The following CNGA1 variants were observed in gnomAD, a reference collection of about 807,000 sequenced individuals.
The protein encoded by CNGA1 is cyclic nucleotide gated channel subunit alpha 1.
In CNGA1, 53 loss-of-function variants were observed where a neutral mutation model predicts 69.7. The ratio of observed to expected loss-of-function variants is 0.76; its 90% CI spans 0.61 to 0.96. CNGA1 has a LOEUF of 0.96. Among genes scored for constraint, CNGA1 ranks in the 40% least tolerant of loss-of-function variants. CNGA1 has a pLI of 0.00. For synonymous variants in CNGA1, 249 were observed against 283.5 expected (o/e 0.88, Z 1.22); for missense variants, 739 against 811.2 (o/e 0.91, Z 1.08).
intron 2 of CNGA1, among the ~76,000 whole-genome samples, chr4:48,002,683 CA>C (rs34405949): frequency 0.17 from 19,989 of 117,572 alleles, 2,366 homozygotes; most frequent in African/African-American, 0.38. Flanking sequence ...GTCAGACATG[CA>C]AAAAAAAAAA....
intron 1 of CNGA1, among the ~76,000 whole-genome samples, chr4:48,015,538 G>C (rs1715341090): frequency 6.6e-6 from 1 of 152,274 alleles, no homozygotes; most frequent in South Asian, 2.1e-4. Flanking sequence ...TAAAATGCCA[G>C]AGCACAAAGG....
intron 3 of CNGA1, among the ~76,000 whole-genome samples, chr4:47,957,295 T>G (rs1740145824): frequency 6.6e-6 from 1 of 152,084 alleles, no homozygotes; most frequent in Admixed American, 6.6e-5. Flanking sequence ...TCCTTAAATA[T>G]ATTCATGGAT....
At chr4:48,000,276 T>A (rs1285817788) in intron 2 of CNGA1, among the ~76,000 whole-genome samples, 1 of 152,004 alleles carries the variant, frequency 6.6e-6, no homozygotes, top group Non-Finnish European at 1.5e-5. Flanking sequence ...ATGAAAAGTA[T>A]AAAATTACAT....
At chr4:47,994,368 C>T (rs772290079) in intron 2 of CNGA1, among the ~76,000 whole-genome samples, 12 of 151,918 alleles carry the variant, frequency 7.9e-5, no homozygotes, top group South Asian at 6.2e-4. Context: ...CAGTGTTAGG[C>T]GCATATATGT....
intron 6 of CNGA1, among the ~76,000 whole-genome samples, chr4:47,948,329 C>T (rs764679043): frequency 2.6e-5 from 4 of 152,128 alleles, no homozygotes; most frequent in Admixed American, 6.5e-5. Context: ...AGAGTTTATA[C>T]TCTAGGAAGA....
intron 4 of CNGA1, 120 bp from the exon 5 acceptor site, chr4:47,951,589 C>A (rs1739743946): frequency 5.5e-6 from 4 of 728,136 alleles, no homozygotes; most frequent in East Asian, 5.1e-5. Flanking sequence ...CAAACTAACA[C>A]ACATAACAAT....
intron 2 of CNGA1, among the ~76,000 whole-genome samples, chr4:47,982,325 G>A (rs754222571): frequency 3.9e-5 from 6 of 152,090 alleles, no homozygotes; most frequent in Non-Finnish European, 5.9e-5. Context: ...GCTGAACAAT[G>A]AACAACCGAG....
intron 3 of CNGA1, among the ~76,000 whole-genome samples, chr4:47,980,472 C>CTTTT (rs5858098): frequency 1.3e-3 from 148 of 112,280 alleles, no homozygotes; most frequent in African/African-American, 1.9e-3. Flanking sequence ...TTCTTTCTTT[C>CTTTT]TTTTTTTTTT....
chr4:47,955,339 C>T (rs925619124), intron 3 of CNGA1, among the ~76,000 whole-genome samples: 6 of 151,914 alleles, frequency 3.9e-5, no homozygotes, highest in South Asian at 4.2e-4. Context: ...CCCACCACCA[C>T]GCCTGGCTAA....
chr4:47,961,080 C>A (rs1181853267), intron 3 of CNGA1, among the ~76,000 whole-genome samples: 1 of 152,084 alleles, frequency 6.6e-6, no homozygotes, highest in Non-Finnish European at 1.5e-5. Flanking sequence ...ATATTTGCAT[C>A]AAAAATATTA....
rs1159606020 is a variant in CNGA1 at position 47,976,170 on chromosome 4, TACAC to T, written c.-15+5219_-15+5222del. On this transcript the variant is annotated intron_variant, in intron 3 of 10. Transcript: ENST00000514170. ...ATATGTATATATATATATATATATA[TACAC>T]ATACATATATATATACATATATATG... is the stretch of plus-strand genomic sequence containing the variant. Among the ~76,000 whole-genome samples, 20 of 48,554 alleles carry T rather than the reference TACAC, an allele frequency of 4.1e-4. 1 individual carries two copies. The highest frequency in any genetic ancestry group is 7.7e-4 in the African/African-American group (8 of 10,338). 31.9% of individuals were successfully genotyped at this position (48,554 alleles called of 152,430 possible). A position where few individuals can be genotyped will look rare whatever the true frequency, so the allele number is the denominator to read the frequency against.
In CNGA1 at chr4:47,985,464, T is replaced by C. The variant is rs149290418; in HGVS notation, c.-122-3964A>G. Among the ~76,000 whole-genome samples, 9 of 152,298 alleles carry C rather than the reference T, an allele frequency of 5.9e-5. No individual in the cohort carries two copies. The East Asian group carries it at 1.7e-3, about 29-fold the overall frequency. ...GCTCCCATAGGTAGCCATGAATGTT[T>C]ATTTTCTTCATGGTTTGCTTGTTAC... On this transcript the variant is annotated intron_variant, in intron 2 of 10. Coordinates refer to ENST00000514170, the MANE Select transcript of CNGA1 (RefSeq NM_001379270.1).
chr4:47,953,784 T>C (rs1457622718), intron 3 of CNGA1, among the ~76,000 whole-genome samples: 1 of 152,066 alleles, frequency 6.6e-6, no homozygotes, highest in Non-Finnish European at 1.5e-5. Context: ...GGATCCTCTC[T>C]CCAGTTTGAG....
At chr4:47,956,555 T>C (rs1177365979) in intron 3 of CNGA1, among the ~76,000 whole-genome samples, 1 of 152,230 alleles carries the variant, frequency 6.6e-6, no homozygotes, top group Non-Finnish European at 1.5e-5. Flanking sequence ...TTTGCATCTA[T>C]TTCCAAGAAT....
chr4:47,960,603 T>C (rs1236410367), intron 3 of CNGA1, among the ~76,000 whole-genome samples: 1 of 152,146 alleles, frequency 6.6e-6, no homozygotes, highest in Non-Finnish European at 1.5e-5. Flanking sequence ...TGAAATAATA[T>C]GTATATAAAA....
At chr4:47,984,694 A>ACG (rs1741910533) in intron 2 of CNGA1, among the ~76,000 whole-genome samples, 1 of 112,082 alleles carries the variant, frequency 8.9e-6, no homozygotes, top group Non-Finnish European at 2.1e-5. Flanking sequence ...ACACACACAC[A>ACG]TATATATATA....
chr4:47,942,464 C>T (rs1161477382), intron 8 of CNGA1, among the ~76,000 whole-genome samples: 3 of 151,102 alleles, frequency 2.0e-5, no homozygotes, highest in African/African-American at 7.3e-5. Flanking sequence ...TCATTAAGAC[C>T]AGTCTTATAT....
chr4:48,009,162 A>G (rs576965501), intron 2 of CNGA1, among the ~76,000 whole-genome samples: 1 of 152,326 alleles, frequency 6.6e-6, no homozygotes, highest in Non-Finnish European at 1.5e-5. Flanking sequence ...TTTTAAAGCT[A>G]GCTTATTTAG....
intron 3 of CNGA1, 33 bp from the exon 4 acceptor site, chr4:47,952,736 C>A (rs1330302128): frequency 6.0e-6 from 9 of 1,493,442 alleles, no homozygotes; most frequent in Non-Finnish European, 8.1e-6. Context: ...AGTGGAAAGG[C>A]TATTTTTATA....
Sources: allele counts gnomAD v4.1 joint callset (sites outside exome capture counted in the v4.1 genomes callset), GRCh38; gene constraint gnomAD v4.1.1; transcripts MANE v1.5; gene names NCBI Gene and HGNC (gene_info 2026-07-23, HGNC 2026-07-21).